Variants in PCDHGA1 observed in about 807,000 individuals in gnomAD.
PCDHGA1 encodes the protein protocadherin gamma subfamily A, 1.
A neutral mutation model predicts 58.0 loss-of-function variants in PCDHGA1; 32 were observed. The ratio of observed to expected loss-of-function variants is 0.55; its 90% confidence interval spans 0.42 to 0.74. The LOEUF is 0.74. Ranked by LOEUF, PCDHGA1 falls within the 30% of genes least tolerant of loss-of-function variation. PCDHGA1 has a pLI of 0.00. For synonymous variants in PCDHGA1, 498 were observed against 501.1 expected (o/e 0.99, Z 0.08); for missense variants, 1,205 against 1,182.3 (o/e 1.02, Z -0.28).
intron 1 of PCDHGA1, chr5:141,374,361 A>G (rs1418865389): frequency 6.2e-7 from 1 of 1,614,016 alleles, no homozygotes; most frequent in East Asian, 2.2e-5. Flanking sequence ...ATAGACCGCG[A>G]GGAGCTCTGT....
rs2099750571 is a variant in PCDHGA1, at chr5:141,493,878, T to A, written c.2422-929T>A. On this transcript the variant is annotated intron_variant, in intron 1 of 3. Coordinates refer to ENST00000517417, the MANE Select transcript of PCDHGA1 (RefSeq NM_018912.3). This position sits in a 1 kb window ranked among gnomAD's most constrained non-coding sequence, Gnocchi z 4.3. ...GCCCACCCCAGAACCAGTGAGGAGG[T>A]GGCTCTAGGAGTGCTCCATGAGAGT... is the stretch of plus-strand genomic sequence containing the variant. 6.6e-6 allele frequency among the ~76,000 whole-genome samples: 1 copy of A among 152,072 alleles called. No homozygotes were observed. The highest frequency in any genetic ancestry group is 6.6e-5 in the Admixed American group (1 of 15,264).
chr5:141,419,138 A>C, intron 1 of PCDHGA1: 1 of 1,613,920 alleles, frequency 6.2e-7, no homozygotes, highest in Non-Finnish European at 8.5e-7. Context: ...AGCCACAGAC[A>C]GGGGCAAGCC....
At chr5:141,395,578 G>A (rs2093281923) in intron 1 of PCDHGA1, 1 of 227,714 alleles carries the variant, frequency 4.4e-6, no homozygotes, top group East Asian at 9.3e-5. Flanking sequence ...GTGTGTGTGT[G>A]TGTGTGTGTG....
chr5:141,371,220 G>A (rs1172687028), intron 1 of PCDHGA1: 4 of 1,613,874 alleles, frequency 2.5e-6, no homozygotes, highest in South Asian at 1.1e-5. Flanking sequence ...CATCAATGCC[G>A]AAATCATCTA....
At chr5:141,434,713 T>C (rs1377558306) in intron 1 of PCDHGA1, among the ~76,000 whole-genome samples, 1 of 152,088 alleles carries the variant, frequency 6.6e-6, no homozygotes, top group Non-Finnish European at 1.5e-5. Flanking sequence ...GGTAAATCTC[T>C]GTTCAGGGCT....
intron 1 of PCDHGA1, chr5:141,430,857 A>G: frequency 1.3e-6 from 2 of 1,591,432 alleles, no homozygotes; most frequent in Non-Finnish European, 1.7e-6. Flanking sequence ...CAGATACGCT[A>G]TTCAGTTCCG....
At chr5:141,468,737 G>A (rs1288031024) in intron 1 of PCDHGA1, among the ~76,000 whole-genome samples, 1 of 151,948 alleles carries the variant, frequency 6.6e-6, no homozygotes, top group African/African-American at 2.4e-5. Context: ...GTGGTGGCGG[G>A]TGCCTGTAGT....
intron 1 of PCDHGA1, among the ~76,000 whole-genome samples, chr5:141,488,713 C>A (rs1165389103): frequency 6.6e-6 from 1 of 152,184 alleles, no homozygotes; most frequent in Non-Finnish European, 1.5e-5. Context: ...CTGGTTCAAG[C>A]AAAGTGGTGG....
chr5:141,395,101 C>A (rs1197761808), intron 1 of PCDHGA1: 2 of 1,614,164 alleles, frequency 1.2e-6, no homozygotes, highest in East Asian at 4.5e-5. Context: ...ACCGCCGACT[C>A]GCGGAAGAGT....
chr5:141,342,088 A>G lies in PCDHGA1; in HGVS notation c.2421+8983A>G, dbSNP rs140945996. On this transcript the variant is annotated intron_variant, in intron 1 of 3. Coordinates refer to ENST00000517417, the MANE Select transcript of PCDHGA1 (RefSeq NM_018912.3). ...CATCTGCTCTATAATAAAGCTGTAG[A>G]GTGGTAATAAACAGGTTTCTCCTTT... The G allele has an allele frequency of 4.7e-3, 612 of 131,352 alleles. 5 individuals are homozygous for G. Among genetic ancestry groups the G allele is most frequent in the Admixed American group, 0.014 (169 of 12,312 alleles). The allele number at this position is 131,352 out of a possible 1,614,324, so 8.1% of individuals were successfully genotyped here. A position where few individuals can be genotyped will look rare whatever the true frequency, so the allele number is the denominator to read the frequency against.
intron 1 of PCDHGA1, among the ~76,000 whole-genome samples, chr5:141,469,206 A>T (rs752389937): frequency 6.6e-6 from 1 of 150,920 alleles, no homozygotes; most frequent in African/African-American, 2.4e-5. Flanking sequence ...AGCCTTTTGA[A>T]GTTGAGGCTT....
chr5:141,402,829 T>G (rs921784924), intron 1 of PCDHGA1: 4 of 1,341,920 alleles, frequency 3.0e-6, no homozygotes, highest in Admixed American at 5.9e-5. Context: ...GCTCCCAGGC[T>G]GCAGCAAAAC....
intron 1 of PCDHGA1, chr5:141,361,582 C>T (rs746722919): frequency 3.1e-6 from 5 of 1,614,022 alleles, no homozygotes; most frequent in Non-Finnish European, 8.5e-7. Context: ...TGACTTGGGC[C>T]CCAGTGGCCA....
intron 1 of PCDHGA1, among the ~76,000 whole-genome samples, chr5:141,449,543 C>T (rs377524476): frequency 2.7e-5 from 4 of 147,148 alleles, no homozygotes; most frequent in Non-Finnish European, 4.5e-5. Context: ...GAGCCGAGAT[C>T]GCACCACTGC....
At chr5:141,400,264 C>G (rs1184804812) in intron 1 of PCDHGA1, 2 of 1,614,058 alleles carry the variant, frequency 1.2e-6, no homozygotes. Context: ...GCGCCTGCGA[C>G]GCTCCTCCAG....
At chr5:141,405,093 T>C in intron 1 of PCDHGA1, 1 of 1,613,946 alleles carries the variant, frequency 6.2e-7, no homozygotes, top group Non-Finnish European at 8.5e-7. Flanking sequence ...CTGCTGGCCC[T>C]CAGGCTGAGG....
intron 1 of PCDHGA1, chr5:141,346,328 G>A (rs775563489): frequency 3.1e-6 from 5 of 1,614,234 alleles, no homozygotes; most frequent in Non-Finnish European, 3.4e-6. Context: ...ACTCGCGGAA[G>A]AGCCACCTGA....
chr5:141,492,546 G>A (rs2154587552), intron 1 of PCDHGA1, among the ~76,000 whole-genome samples: 1 of 152,336 alleles, frequency 6.6e-6, no homozygotes, highest in East Asian at 1.9e-4. Flanking sequence ...GCTGGGCCGG[G>A]TCGCCTGGGG....
At position 141,423,537 on chromosome 5, in the gene PCDHGA1, T is replaced by A. The variant is rs201034039; in HGVS notation, c.2422-71270T>A. 1.4e-4 allele frequency: 225 copies of A among 1,613,694 alleles called. 2 individuals carry two copies. In the South Asian group the frequency reaches 2.3e-3, roughly 16 times the overall value. On this transcript the variant is annotated intron_variant, in intron 1 of 3. Coordinates refer to ENST00000517417, the MANE Select transcript of PCDHGA1 (RefSeq NM_018912.3). ...CGGACTCGCAGAAGAGTCACCTGAT[T>A]TTCCCCCAGCCCAACTATGGGGACA...
Sources: gnomAD v4.1 joint callset for allele counts (sites outside exome capture counted in the v4.1 genomes callset) on GRCh38, gnomAD v4.1.1 for gene constraint, Gnocchi (gnomAD v3.1) non-coding constraint, MANE v1.5 for transcripts, NCBI Gene and HGNC (gene_info 2026-07-23, HGNC 2026-07-21) for gene names.